PUS10: variants seen among roughly 807,000 people sequenced by gnomAD.
The protein encoded by PUS10 is tRNA pseudouridine synthase Pus10.
PUS10 carries 59 observed loss-of-function variants against 75.0 expected under a neutral mutation model. The observed-to-expected ratio is 0.79, with a 90% CI of 0.64 to 0.98. The LOEUF (loss-of-function observed/expected upper bound fraction) is 0.98. Ranked by LOEUF, PUS10 falls within the 50% of genes least tolerant of loss-of-function variation. PUS10 has a pLI of 0.00. For synonymous variants in PUS10, 219 were observed against 211.6 expected (o/e 1.03, Z -0.30); for missense variants, 650 against 614.4 (o/e 1.06, Z -0.61).
Position 60,941,677 on chromosome 2 carries a change from C to T in PUS10, c.*718G>A, listed in dbSNP as rs1167372230. Reference sequence around the variant, plus strand: ...AAGTTATTAAAGGCACTTGTTTCTCCTTATTTAAAAGATTTATGAAAGGCT... The same window carrying T: ...AAGTTATTAAAGGCACTTGTTTCTCTTTATTTAAAAGATTTATGAAAGGCT... On this transcript the variant is annotated 3_prime_UTR_variant, in exon 18 of 18. Transcript: ENST00000316752. The T allele has an allele frequency of 1.3e-5, 2 of 152,206 alleles. No individual in the cohort carries two copies. Among genetic ancestry groups the T allele is most frequent in the African/African-American group, 2.4e-5 (1 of 41,404 alleles). The allele number at this position is 152,206 out of a possible 1,614,324, so 9.4% of individuals were successfully genotyped here.
At chr2:60,984,003 T>G (rs745502242) in intron 4 of PUS10, among the ~76,000 whole-genome samples, 11 of 151,874 alleles carry the variant, frequency 7.2e-5, no homozygotes, top group Non-Finnish European at 1.2e-4. Context: ...CCACTCAAAT[T>G]TCAACTAAAA....
rs571904388 is a variant in PUS10 at position 60,973,936 on chromosome 2, C to G, written c.469-2379G>C. On this transcript the variant is annotated intron_variant, in intron 4 of 17. Coordinates refer to ENST00000316752, the MANE Select transcript of PUS10 (RefSeq NM_144709.4). ...AGAGAGGAGCTATCCACCCCAGAGT[C>G]TCTCTGCTGAGAGCTGAAGAAACGA... Among the ~76,000 whole-genome samples, 3 of 152,314 alleles carry G rather than the reference C, an allele frequency of 2.0e-5. No homozygotes were observed. In the East Asian group the frequency reaches 5.8e-4, roughly 29 times the overall value.
intron 4 of PUS10, among the ~76,000 whole-genome samples, chr2:60,990,896 C>A (rs1389890086): frequency 6.6e-6 from 1 of 152,166 alleles, no homozygotes; most frequent in African/African-American, 2.4e-5. Flanking sequence ...AGGTGCACAC[C>A]ACCAAGCCCA....
chr2:61,006,194 A>G (rs1237490897), intron 4 of PUS10, among the ~76,000 whole-genome samples: 1 of 152,220 alleles, frequency 6.6e-6, no homozygotes, highest in African/African-American at 2.4e-5. Context: ...ACCCTATTCT[A>G]GGACTATTCT....
intron 4 of PUS10, among the ~76,000 whole-genome samples, chr2:61,002,436 A>G (rs1281155332): frequency 2.0e-5 from 3 of 152,162 alleles, no homozygotes; most frequent in African/African-American, 4.8e-5. Flanking sequence ...CTACTACTCT[A>G]TCTATCCTGT....
intron 3 of PUS10, 136 bp downstream of exon 3, chr2:61,008,625 A>C (rs1679393843): frequency 1.5e-6 from 1 of 683,442 alleles, no homozygotes; most frequent in Non-Finnish European, 2.4e-6. Flanking sequence ...GTACCACTGC[A>C]CTTCAGCCTA....
chr2:60,944,930 T>C lies in PUS10; in HGVS notation c.1551+79A>G, dbSNP rs563591835. 5 of 1,011,990 alleles carry C rather than the reference T, an allele frequency of 4.9e-6. No homozygotes were observed. In the East Asian group the frequency reaches 1.2e-4, roughly 24 times the overall value. The allele number at this position is 1,011,990 out of a possible 1,614,324, so 62.7% of individuals were successfully genotyped here. On this transcript the variant is annotated intron_variant, in intron 17 of 17. Transcript: ENST00000316752. ...AAATACCTATGGAGGTGGGTGATAC[T>C]AAAATGGCTTAATGCCAAAGAGCAT... is the stretch of plus-strand genomic sequence containing the variant.
rs775680275 is a variant in PUS10 at position 60,942,344 on chromosome 2, A to G, written c.*51T>C. The G allele has an allele frequency of 6.7e-7, 1 of 1,492,068 alleles. No individual in the cohort carries two copies. The highest frequency in any genetic ancestry group is 9.4e-7 in the Non-Finnish European group (1 of 1,068,896). 92.4% of individuals were successfully genotyped at this position (1,492,068 alleles called of 1,614,324 possible). A position where few individuals can be genotyped will look rare whatever the true frequency, so the allele number is the denominator to read the frequency against. The stretch of plus-strand genomic sequence containing the variant: ...CCATTTTACGGCATGTGCTCCATGG[A>G]TGTCCACATCATGCCAGGAAAACCA... On this transcript the variant is annotated 3_prime_UTR_variant, in exon 18 of 18. Coordinates refer to ENST00000316752, the MANE Select transcript of PUS10 (RefSeq NM_144709.4).
Position 61,008,942 on chromosome 2 carries a change from G to C in PUS10, c.200C>G (p.Pro67Arg), listed in dbSNP as rs761913554. 2 of 1,613,332 alleles carry C rather than the reference G, an allele frequency of 1.2e-6. No homozygotes were observed. Among genetic ancestry groups the C allele is most frequent in the Non-Finnish European group, 8.5e-7 (1 of 1,179,490 alleles). ...TTCTTGCAGTCGAATTTTCTTGGGAGGTGGGTTCATAACTTCCAAAATTAA... is the reference window on the plus strand; with the variant it reads ...TTCTTGCAGTCGAATTTTCTTGGGACGTGGGTTCATAACTTCCAAAATTAA... ...DELILEVMNPPPKKIRLQELE... is the reference protein window; with the variant it reads ...DELILEVMNPRPKKIRLQELE... The change falls in exon 3 of 18, where the codon CCT becomes CGT. Residue 67 changes from proline to arginine, a missense_variant. By Grantham distance (103) the Pro-to-Arg change is moderately radical. Transcript: ENST00000316752.
intron 11 of PUS10, among the ~76,000 whole-genome samples, chr2:60,957,645 C>G (rs1675762741): frequency 6.6e-6 from 1 of 152,272 alleles, no homozygotes; most frequent in South Asian, 2.1e-4. Flanking sequence ...TCCCTAGGCT[C>G]TAGCCTACGC....
chr2:61,004,628 CAA>C (rs70959883), intron 4 of PUS10, among the ~76,000 whole-genome samples: 832 of 67,304 alleles, frequency 0.012, 1 homozygote, highest in African/African-American at 0.034. Context: ...GACTCCGTCT[CAA>C]AAAAAAAAAA....
At chr2:61,004,628 C>CAA (rs70959883) in intron 4 of PUS10, among the ~76,000 whole-genome samples, 4,470 of 66,156 alleles carry the variant, frequency 0.068, 322 homozygotes, top group African/African-American at 0.21. Context: ...GACTCCGTCT[C>CAA]AAAAAAAAAA....
rs190238170 is a variant in PUS10 at position 60,949,814 on chromosome 2, G to A, written c.1309-1629C>T. Among the ~76,000 whole-genome samples the A allele has an allele frequency of 7.7e-4, 117 of 152,258 alleles. 1 individual carries two copies. In the Middle Eastern group the frequency reaches 0.017, roughly 22 times the overall value. On this transcript the variant is annotated intron_variant, in intron 15 of 17. Transcript: ENST00000316752. ...TCAGCCCAGGCTGGAGTGCAATGGC[G>A]CCATGATGGCTCACTGTGGCCTCGA...
intron 6 of PUS10, 28 bp downstream of exon 6, chr2:60,967,473 TA>T: frequency 7.1e-7 from 1 of 1,408,432 alleles, no homozygotes; most frequent in African/African-American, 1.4e-5. Context: ...AATCAGAGAA[TA>T]AAATTAACAA....
chr2:60,980,562 C>T (rs1677321340), intron 4 of PUS10, among the ~76,000 whole-genome samples: 2 of 152,172 alleles, frequency 1.3e-5, no homozygotes, highest in South Asian at 4.1e-4. Context: ...ATCAGAAATC[C>T]ACTAGCTCAC....
intron 11 of PUS10, among the ~76,000 whole-genome samples, chr2:60,956,758 G>A (rs1286936884): frequency 4.6e-5 from 7 of 152,044 alleles, no homozygotes; most frequent in Non-Finnish European, 1.0e-4. Flanking sequence ...GGTGGATCAC[G>A]AAGTCAGAAG....
chr2:60,965,506 T>C (rs1490072494), intron 6 of PUS10, 22 bp from the exon 7 acceptor site: 1 of 1,555,718 alleles, frequency 6.4e-7, no homozygotes, highest in African/African-American at 1.4e-5. Flanking sequence ...AAAGACAGTT[T>C]AAAAATGAGC....
chr2:60,968,110 TA>T (rs1346392377), intron 5 of PUS10, among the ~76,000 whole-genome samples: 1 of 152,168 alleles, frequency 6.6e-6, no homozygotes, highest in Non-Finnish European at 1.5e-5. Flanking sequence ...GAAGAAATAT[TA>T]AATCCTAAAG....
chr2:60,947,978 G>C (rs1178967251), intron 16 of PUS10, 65 bp downstream of exon 16: 2 of 1,572,768 alleles, frequency 1.3e-6, no homozygotes, highest in Non-Finnish European at 1.7e-6. Context: ...TGTTTTCTAG[G>C]GGACCATGAA....
Sources: gnomAD v4.1 joint callset for allele counts (sites outside exome capture counted in the v4.1 genomes callset) on GRCh38, gnomAD v4.1.1 for gene constraint, MANE v1.5 for transcripts, NCBI Gene and HGNC (gene_info 2026-07-23, HGNC 2026-07-21) for gene names.